ITGAE: variants seen among roughly 807,000 people sequenced by gnomAD.
The protein encoded by ITGAE is integrin alpha-E.
Under a neutral mutation model 136.5 loss-of-function variants are expected in ITGAE, and 99 were observed. The ratio of observed to expected loss-of-function variants is 0.73; its 90% CI spans 0.62 to 0.86. ITGAE has a LOEUF of 0.86. Among genes scored for constraint, ITGAE ranks in the 40% least tolerant of loss-of-function variants. The pLI is 0.00. For synonymous variants in ITGAE, 613 were observed against 591.8 expected (o/e 1.04, Z -0.52); for missense variants, 1,447 against 1,515.3 (o/e 0.95, Z 0.75).
chr17:3,720,616 C>G, intron 28 of ITGAE: 1 of 379,336 alleles, frequency 2.6e-6, no homozygotes. Context: ...GAGTTTCGCT[C>G]TTTCGCCCAG....
At chr17:3,792,110 AATTTT>A (rs1207091201) in intron 1 of ITGAE, among the ~76,000 whole-genome samples, 7 of 152,130 alleles carry the variant, frequency 4.6e-5, no homozygotes, top group Admixed American at 1.3e-4. Flanking sequence ...ATCTATATTT[AATTTT>A]ATTTTATTTA....
intron 23 of ITGAE, 89 bp downstream of exon 23, chr17:3,731,015 G>A (rs1467117834): frequency 9.5e-7 from 1 of 1,054,958 alleles, no homozygotes; most frequent in East Asian, 2.4e-5. Flanking sequence ...TGGGCTGTAA[G>A]GGGGCCGTTC....
chr17:3,765,505 C>T (rs368338627), intron 2 of ITGAE, among the ~76,000 whole-genome samples: 1 of 152,058 alleles, frequency 6.6e-6, no homozygotes, highest in African/African-American at 2.4e-5. Flanking sequence ...ATTCACGTAT[C>T]GGCATGGCTT....
At chr17:3,725,234 GTCC>G in intron 26 of ITGAE, 1 of 1,614,126 alleles carries the variant, frequency 6.2e-7, no homozygotes, top group Non-Finnish European at 8.5e-7. Context: ...GTGGTGCTCC[GTCC>G]TCTTGGCACT....
At chr17:3,754,923 TAGCCCCCAGGCCCCACCCTCGCC>T (rs2051968256) in intron 12 of ITGAE, among the ~76,000 whole-genome samples, 171 bp downstream of exon 12, 1 of 83,642 alleles carries the variant, frequency 1.2e-5, no homozygotes, top group Non-Finnish European at 2.3e-5. Context: ...CTCACCCAGG[TAGCCCCCAGGCCCCACCCTCGCC>T]CAGGTAGCCT....
At chr17:3,787,503 C>G (rs895704400) in intron 1 of ITGAE, among the ~76,000 whole-genome samples, 1 of 152,146 alleles carries the variant, frequency 6.6e-6, no homozygotes, top group Non-Finnish European at 1.5e-5. Context: ...AGCAATCCTC[C>G]CGCCCTGGCA....
chr17:3,782,407 G>A (rs1443232663), intron 1 of ITGAE, among the ~76,000 whole-genome samples: 4 of 142,536 alleles, frequency 2.8e-5, no homozygotes, highest in East Asian at 4.2e-4. Context: ...CGCTCTTGTC[G>A]CCCGAGCTAG....
In ITGAE at chr17:3,757,680, G is replaced by A. The variant is rs779375274; in HGVS notation, c.1020+26C>T. On this transcript the variant is annotated intron_variant, in intron 9 of 30. Transcript: ENST00000263087. The stretch of plus-strand genomic sequence containing the variant: ...CACCCCAGGCTGTGCAGGTTCAGGA[G>A]GTGTCTCCCGGCTCCTGGCTCTTAC... 8 of 1,611,634 alleles carry A rather than the reference G, an allele frequency of 5.0e-6. No homozygotes were observed. In the Admixed American group the frequency reaches 1.2e-4, roughly 24 times the overall value.
At chr17:3,727,018 T>C (rs574208063) in intron 26 of ITGAE, among the ~76,000 whole-genome samples, 1 of 152,064 alleles carries the variant, frequency 6.6e-6, no homozygotes, top group South Asian at 2.1e-4. Flanking sequence ...GAGTGAGCCA[T>C]GGCACCTGAC....
At chr17:3,743,815 A>T (rs1218813182) in intron 18 of ITGAE, among the ~76,000 whole-genome samples, 198 bp from the exon 19 acceptor site, 1 of 138,184 alleles carries the variant, frequency 7.2e-6, no homozygotes, top group Non-Finnish European at 1.5e-5. Context: ...CGATTCTCCT[A>T]CCTCAGCCGC....
intron 26 of ITGAE, 193 bp from the exon 27 acceptor site, chr17:3,723,937 T>C (rs1176915274): frequency 4.5e-6 from 7 of 1,550,958 alleles, no homozygotes; most frequent in Admixed American, 1.9e-5. Flanking sequence ...GTGCCGGCCA[T>C]GGCGGCTTCG....
At position 3,799,981 on chromosome 17, in the gene ITGAE, T is replaced by TG. The variant is rs2053210952; in HGVS notation, c.34+1129dup. 6.6e-6 allele frequency among the ~76,000 whole-genome samples: 1 copy of TG among 152,034 alleles called. No homozygotes were observed. Among genetic ancestry groups the TG allele is most frequent in the Non-Finnish European group, 1.5e-5 (1 of 68,014 alleles). ...TAAAAATACAAAAATTAGCCAGGCG[T>TG]GGTGGCAGGCGCCTGTAATCCCAGC... On this transcript the variant is annotated intron_variant, in intron 1 of 30. Coordinates refer to ENST00000263087, the MANE Select transcript of ITGAE (RefSeq NM_002208.5). This position sits in a 1 kb window ranked among gnomAD's most constrained non-coding sequence, Gnocchi z 4.1.
intron 29 of ITGAE, chr17:3,717,606 C>T (rs1352894488): frequency 6.6e-6 from 1 of 152,176 alleles, no homozygotes; most frequent in Non-Finnish European, 1.5e-5. Flanking sequence ...TCTCTGCCTG[C>T]CCAGAGCAAC....
chr17:3,800,025 A>AAG (rs2053212931), intron 1 of ITGAE, among the ~76,000 whole-genome samples: 1 of 152,230 alleles, frequency 6.6e-6, no homozygotes, highest in South Asian at 2.1e-4. Context: ...AGGCTGAGGC[A>AAG]GGAGAACTGC....
At chr17:3,733,673 G>A (rs555019905) in intron 21 of ITGAE, among the ~76,000 whole-genome samples, 47 of 151,974 alleles carry the variant, frequency 3.1e-4, no homozygotes, top group Non-Finnish European at 5.3e-4. Flanking sequence ...CGCCCGCCTC[G>A]GCCTCCCAAA....
chr17:3,736,234 G>T (rs1371108597), intron 20 of ITGAE, among the ~76,000 whole-genome samples: 2 of 152,068 alleles, frequency 1.3e-5, no homozygotes, highest in African/African-American at 4.8e-5. Context: ...GCTTGAGCCC[G>T]GGAGGCAGAG....
At chr17:3,737,166 G>A (rs1182694651) in intron 20 of ITGAE, among the ~76,000 whole-genome samples, 3 of 152,102 alleles carry the variant, frequency 2.0e-5, no homozygotes, top group Admixed American at 6.6e-5. Context: ...GGTCACGTGC[G>A]CCTGTGATCC....
intron 5 of ITGAE, 106 bp from the exon 6 acceptor site, chr17:3,761,283 C>T: frequency 6.5e-7 from 1 of 1,550,226 alleles, no homozygotes. Flanking sequence ...ATGCCTCAAC[C>T]CTGCCTTGCT....
rs540578425 is a variant in ITGAE, at chr17:3,800,734, AGG to A, written c.34+375_34+376del. On this transcript the variant is annotated intron_variant, in intron 1 of 30. Transcript: ENST00000263087. ...AGCCCAACCCCTGCTCTGTAACAGA[AGG>A]GAGCTCTGCCAGGCGGAGCCTCCAC... Among the ~76,000 whole-genome samples, 617 of 152,294 alleles carry A rather than the reference AGG, an allele frequency of 4.1e-3. 5 individuals are homozygous for A. The highest frequency in any genetic ancestry group is 0.014 in the African/African-American group (575 of 41,564).
Sources: allele counts gnomAD v4.1 joint callset (sites outside exome capture counted in the v4.1 genomes callset), GRCh38; gene constraint gnomAD v4.1.1; non-coding constraint Gnocchi (gnomAD v3.1); transcripts MANE v1.5; gene names NCBI Gene and HGNC (gene_info 2026-07-23, HGNC 2026-07-21).